Variants in RALGPS2 observed in about 807,000 individuals in gnomAD.
RALGPS2 encodes the protein Ral GEF with PH domain and SH3 binding motif 2, also known as ras-specific guanine nucleotide-releasing factor RalGPS2.
A neutral mutation model predicts 86.8 loss-of-function variants in RALGPS2; 43 were observed. That is an observed-to-expected ratio of 0.50 (90% CI 0.39 to 0.64). The LOEUF (loss-of-function observed/expected upper bound fraction) is 0.64, where lower values mean the gene tolerates loss of function less well. Among genes scored for constraint, RALGPS2 ranks in the 30% least tolerant of loss-of-function variants. RALGPS2 has a pLI of 0.00. For synonymous variants in RALGPS2, 243 were observed against 231.3 expected (o/e 1.05, Z -0.46); for missense variants, 536 against 694.6 (o/e 0.77, Z 2.57).
chr1:178,899,094 T>G (rs1015926281), intron 17 of RALGPS2, among the ~76,000 whole-genome samples: 6 of 152,082 alleles, frequency 3.9e-5, no homozygotes, highest in East Asian at 1.9e-4. Flanking sequence ...GGTTTTTTTG[T>G]TTTTTGTTTT....
intron 4 of RALGPS2, among the ~76,000 whole-genome samples, chr1:178,793,473 C>T (rs987654404): frequency 6.7e-6 from 1 of 148,538 alleles, no homozygotes; most frequent in Non-Finnish European, 1.5e-5. Flanking sequence ...CTCCTGGGCT[C>T]AAGTGATCCT....
chr1:178,801,354 A>G (rs1476089177), intron 4 of RALGPS2, among the ~76,000 whole-genome samples: 2 of 152,090 alleles, frequency 1.3e-5, no homozygotes, highest in East Asian at 3.9e-4. Flanking sequence ...CTGAAAACAG[A>G]TGTCTTAATA....
chr1:178,854,199 T>C lies in RALGPS2; in HGVS notation c.607+20649T>C, dbSNP rs1009738781. ...AAAAACACTGCACAAAGTGTCTTCA[T>C]TCTTATTGAATTCATTTTTTAATAT... On this transcript the variant is annotated intron_variant, in intron 8 of 19. Coordinates refer to ENST00000367635, the MANE Select transcript of RALGPS2 (RefSeq NM_152663.5). Among the ~76,000 whole-genome samples, 7 of 152,248 alleles carry C rather than the reference T, an allele frequency of 4.6e-5. No homozygotes were observed. The South Asian group carries it at 1.2e-3, about 27-fold the overall frequency.
intron 8 of RALGPS2, among the ~76,000 whole-genome samples, chr1:178,870,527 C>A (rs1340780076): frequency 6.6e-6 from 1 of 152,170 alleles, no homozygotes; most frequent in South Asian, 2.1e-4. Context: ...CACTAAACAT[C>A]ATTAAATTGA....
chr1:178,829,385 G>A (rs1365706632), intron 7 of RALGPS2, among the ~76,000 whole-genome samples: 1 of 152,194 alleles, frequency 6.6e-6, no homozygotes, highest in African/African-American at 2.4e-5. Flanking sequence ...GCAGGCAAGT[G>A]AGCATTACGG....
At chr1:178,772,557 T>C (rs1652859971) in intron 1 of RALGPS2, among the ~76,000 whole-genome samples, 1 of 152,232 alleles carries the variant, frequency 6.6e-6, no homozygotes, top group Non-Finnish European at 1.5e-5. Flanking sequence ...TTATAGATTT[T>C]TCTCCCTTTA....
intron 11 of RALGPS2, 49 bp from the exon 12 acceptor site, chr1:178,885,027 C>T (rs6425503): frequency 0.58 from 859,972 of 1,482,768 alleles, 252,141 homozygotes; most frequent in African/African-American, 0.77. Flanking sequence ...TTTCAAGGGA[C>T]TGAAAAATAA....
chr1:178,909,689 C>T (rs1660542156), intron 19 of RALGPS2, among the ~76,000 whole-genome samples: 2 of 103,330 alleles, frequency 1.9e-5, no homozygotes, highest in African/African-American at 7.8e-5. Flanking sequence ...CTTGCTCTGT[C>T]TTCAGGCTGG....
At chr1:178,855,848 A>T (rs538341347) in intron 8 of RALGPS2, among the ~76,000 whole-genome samples, 1 of 151,474 alleles carries the variant, frequency 6.6e-6, no homozygotes, top group East Asian at 1.9e-4. Flanking sequence ...GACACATCAC[A>T]GGAATCAAAG....
chr1:178,856,001 A>G (rs942738912), intron 8 of RALGPS2, among the ~76,000 whole-genome samples: 7 of 148,932 alleles, frequency 4.7e-5, no homozygotes, highest in Admixed American at 1.3e-4. Context: ...AACAAAATAT[A>G]TATATTAGAA....
chr1:178,893,849 T>C, intron 15 of RALGPS2, 70 bp from the exon 16 acceptor site: 1 of 975,566 alleles, frequency 1.0e-6, no homozygotes, highest in East Asian at 2.5e-5. Flanking sequence ...TAATTACATT[T>C]TATTTAAGTA....
chr1:178,729,640 T>C (rs1341087456), intron 1 of RALGPS2, among the ~76,000 whole-genome samples: 1 of 152,238 alleles, frequency 6.6e-6, no homozygotes, highest in Non-Finnish European at 1.5e-5. Flanking sequence ...AGCATGACTC[T>C]CAAAGAAAAT....
At chr1:178,759,001 A>G (rs1248915076) in intron 1 of RALGPS2, among the ~76,000 whole-genome samples, 3 of 152,064 alleles carry the variant, frequency 2.0e-5, no homozygotes, top group Admixed American at 6.6e-5. Flanking sequence ...GTAGGCTGCA[A>G]ATATTTTCTT....
chr1:178,751,330 T>G (rs1413620779), intron 1 of RALGPS2, among the ~76,000 whole-genome samples: 1 of 152,188 alleles, frequency 6.6e-6, no homozygotes. Flanking sequence ...AGATTCTCTG[T>G]GAAGATATTC....
At chr1:178,797,961 G>T (rs1572342606) in intron 4 of RALGPS2, among the ~76,000 whole-genome samples, 3 of 113,366 alleles carry the variant, frequency 2.6e-5, no homozygotes, top group African/African-American at 3.5e-5. Context: ...TGGAAATTTT[G>T]TCTTGAAGAT....
intron 1 of RALGPS2, among the ~76,000 whole-genome samples, chr1:178,752,348 G>A (rs12090142): frequency 5.3e-5 from 8 of 150,850 alleles, no homozygotes; most frequent in Admixed American, 1.3e-4. Context: ...TTGGTGGCGG[G>A]GGGGAGGGTC....
At chr1:178,801,084 G>A (rs775284430) in intron 4 of RALGPS2, among the ~76,000 whole-genome samples, 6 of 151,882 alleles carry the variant, frequency 4.0e-5, no homozygotes, top group Non-Finnish European at 7.4e-5. Context: ...ATGCCACCAC[G>A]CCTGGCTAAT....
At chr1:178,904,295 A>G (rs564152046) in intron 18 of RALGPS2, among the ~76,000 whole-genome samples, 72 of 152,130 alleles carry the variant, frequency 4.7e-4, no homozygotes, top group African/African-American at 1.7e-3. Context: ...CTCCCACTCT[A>G]TGGGTTGTCT....
chr1:178,883,220 C>T (rs978243469), intron 10 of RALGPS2, among the ~76,000 whole-genome samples: 2 of 152,138 alleles, frequency 1.3e-5, no homozygotes, highest in African/African-American at 4.8e-5. Flanking sequence ...GGCTTGGTGG[C>T]TCATGCCTGT....
Sources: allele counts gnomAD v4.1 joint callset (sites outside exome capture counted in the v4.1 genomes callset), GRCh38; gene constraint gnomAD v4.1.1; transcripts MANE v1.5; gene names NCBI Gene and HGNC (gene_info 2026-07-23, HGNC 2026-07-21).